The following CUBN variants were observed in gnomAD, a reference collection of about 807,000 sequenced individuals.
CUBN encodes the protein 460 kDa receptor.
In CUBN, 282 loss-of-function variants were observed where a neutral mutation model predicts 405.3. The ratio of observed to expected loss-of-function variants is 0.70; its 90% CI spans 0.63 to 0.77. The LOEUF (loss-of-function observed/expected upper bound fraction) is 0.77. CUBN is among the 30% of genes least tolerant of loss of function. The probability of loss-of-function intolerance (pLI) is 0.00; values close to 1 mark genes in which losing one functional copy is unlikely to be tolerated. For synonymous variants in CUBN, 1,684 were observed against 1,617.0 expected (o/e 1.04, Z -0.99); for missense variants, 4,514 against 4,475.2 (o/e 1.01, Z -0.25).
chr10:17,068,457 T>C, intron 20 of CUBN, 148 bp downstream of exon 20: 1 of 931,712 alleles, frequency 1.1e-6, no homozygotes, highest in East Asian at 2.6e-5. Flanking sequence ...TTGATATAAA[T>C]GTTGATTAGA....
intron 53 of CUBN, 86 bp downstream of exon 53, chr10:16,900,539 G>T: frequency 9.4e-7 from 1 of 1,063,642 alleles, no homozygotes; most frequent in Non-Finnish European, 1.5e-6. Context: ...TAAGCCTGAT[G>T]TAAAGTAGGT....
At position 17,085,732 on chromosome 10, in the gene CUBN, G is replaced by T; in HGVS notation, c.1975C>A (p.Pro659Thr). The change falls in exon 16 of 67, where the codon CCC (proline) becomes ACC (threonine). Residue 659 changes from proline (P) to threonine (T), a missense_variant. By Grantham distance (38) the Pro-to-Thr change is conservative. Coordinates refer to ENST00000377833, the MANE Select transcript of CUBN (RefSeq NM_001081.4). Reference protein sequence around the residue: ...EIRDGPLYQDPLLGKFCTTFS... With the variant: ...EIRDGPLYQDTLLGKFCTTFS... Reference sequence around the variant, plus strand: ...GTGGTGCAGAACTTCCCAAGAAGGGGGTCCTGATACAAAGGACCATCTCGA... The same window carrying T: ...GTGGTGCAGAACTTCCCAAGAAGGGTGTCCTGATACAAAGGACCATCTCGA... The T allele has an allele frequency of 6.2e-7, 1 of 1,613,962 alleles. No homozygotes were observed. Among genetic ancestry groups the T allele is most frequent in the Non-Finnish European group, 8.5e-7 (1 of 1,179,936 alleles).
At chr10:17,065,361 G>T in intron 22 of CUBN, 147 bp downstream of exon 22, 1 of 930,580 alleles carries the variant, frequency 1.1e-6, no homozygotes, top group Non-Finnish European at 1.7e-6. Context: ...TAATAAGGAA[G>T]GTATTTAAGT....
intron 14 of CUBN, among the ~76,000 whole-genome samples, chr10:17,096,059 G>A (rs763889164): frequency 3.8e-4 from 58 of 152,110 alleles, no homozygotes; most frequent in Admixed American, 1.4e-3. Flanking sequence ...GCATGCTCTC[G>A]CTTATATGTG....
intron 27 of CUBN, among the ~76,000 whole-genome samples, chr10:17,030,819 T>C (rs977539148): frequency 7.2e-5 from 11 of 152,032 alleles, no homozygotes; most frequent in African/African-American, 2.7e-4. Flanking sequence ...CTCGGGAGGC[T>C]GAGGCAGGAG....
At chr10:17,065,293 A>G (rs1835590666) in intron 22 of CUBN, among the ~76,000 whole-genome samples, 1 of 152,154 alleles carries the variant, frequency 6.6e-6, no homozygotes, top group African/African-American at 2.4e-5. Flanking sequence ...ACCACAGTAC[A>G]ATTACCAACA....
intron 27 of CUBN, among the ~76,000 whole-genome samples, chr10:17,030,880 C>T (rs1834772211): frequency 6.6e-6 from 1 of 152,154 alleles, no homozygotes; most frequent in African/African-American, 2.4e-5. Flanking sequence ...GATTACGCCA[C>T]TGCACTCCAG....
chr10:17,119,040 T>C (rs1027931815), intron 6 of CUBN, among the ~76,000 whole-genome samples: 1 of 152,210 alleles, frequency 6.6e-6, no homozygotes, highest in Non-Finnish European at 1.5e-5. Context: ...CACACTTGGA[T>C]AGTCATAGTT....
chr10:17,041,055 T>C lies in CUBN; in HGVS notation c.3995A>G (p.Asn1332Ser), dbSNP rs370803308. ...TACCTCTAAATAATCTGTGGAGCAGTTTATGTGATGTTCCAAGTCAAATGC... is the reference window on the plus strand; with the variant it reads ...TACCTCTAAATAATCTGTGGAGCAGCTTATGTGATGTTCCAAGTCAAATGC... Reference protein sequence around the residue: ...FLAFDLEHHINCSTDYLELYD... With the variant: ...FLAFDLEHHISCSTDYLELYD... The change falls in exon 27 of 67, where the codon AAC becomes AGC. Residue 1332 changes from asparagine to serine, a missense_variant. By Grantham distance (46) the Asn-to-Ser change is conservative (BLOSUM62 1). Transcript: ENST00000377833. The C allele has an allele frequency of 2.0e-4, 328 of 1,613,504 alleles. 1 individual carries two copies. Among genetic ancestry groups the C allele is most frequent in the Non-Finnish European group, 2.5e-4 (299 of 1,179,608 alleles).
chr10:17,110,924 G>A lies in CUBN; in HGVS notation c.1010C>T (p.Pro337Leu), dbSNP rs202153130. The change falls in exon 9 of 67, where the codon CCA becomes CTA. Residue 337 changes from proline to leucine, a missense_variant. Pro to Leu is a moderately conservative substitution (Grantham distance 98). Coordinates refer to ENST00000377833, the MANE Select transcript of CUBN (RefSeq NM_001081.4). Reference sequence around the variant, plus strand: ...ACATTGAACCGAGGCAGCACCTGGTGGACAGGCCTGGCAGTGGGAAGACCC... The same window carrying A: ...ACATTGAACCGAGGCAGCACCTGGTAGACAGGCCTGGCAGTGGGAAGACCC... ...TPGSSHCQACPPGYQGDGRVC... is the reference protein window; with the variant it reads ...TPGSSHCQACLPGYQGDGRVC... The A allele has an allele frequency of 1.1e-4, 170 of 1,614,090 alleles. No individual in the cohort carries two copies. Among genetic ancestry groups the A allele is most frequent in the Non-Finnish European group, 1.4e-4 (161 of 1,180,040 alleles).
At chr10:16,945,174 A>C (rs1368003048) in intron 36 of CUBN, among the ~76,000 whole-genome samples, 2 of 152,110 alleles carry the variant, frequency 1.3e-5, no homozygotes, top group Non-Finnish European at 2.9e-5. Context: ...CAACAATGTG[A>C]ATGTGGTAGA....
At chr10:16,888,346 ATGT>A in intron 56 of CUBN, 68 bp downstream of exon 56, 1 of 1,237,658 alleles carries the variant, frequency 8.1e-7, no homozygotes, top group Non-Finnish European at 1.2e-6. Context: ...ATGTCAAAAC[ATGT>A]TGTACACCAT....
intron 17 of CUBN, among the ~76,000 whole-genome samples, chr10:17,083,322 A>G (rs1836013332): frequency 2.0e-5 from 3 of 152,052 alleles, no homozygotes; most frequent in African/African-American, 7.2e-5. Context: ...CCTGCCCATC[A>G]TGGAGAAATC....
At chr10:16,832,305 C>G (rs982754089) in intron 64 of CUBN, among the ~76,000 whole-genome samples, 5 of 152,174 alleles carry the variant, frequency 3.3e-5, no homozygotes, top group Non-Finnish European at 4.4e-5. Context: ...TTGGAAGTTC[C>G]TCTGTTCCCT....
At chr10:16,890,860 G>C (rs982723786) in intron 54 of CUBN, among the ~76,000 whole-genome samples, 2 of 152,122 alleles carry the variant, frequency 1.3e-5, no homozygotes, top group South Asian at 4.1e-4. Flanking sequence ...CGGGTGCTGA[G>C]GGAGACGGAG....
chr10:17,086,252 C>T (rs1459241108), intron 15 of CUBN, among the ~76,000 whole-genome samples: 1 of 152,160 alleles, frequency 6.6e-6, no homozygotes, highest in East Asian at 1.9e-4. Context: ...GCATGAGCCA[C>T]CGCGCCTGGC....
intron 60 of CUBN, among the ~76,000 whole-genome samples, chr10:16,850,226 G>T (rs1473421465): frequency 6.6e-6 from 1 of 152,118 alleles, no homozygotes; most frequent in Non-Finnish European, 1.5e-5. Flanking sequence ...CTTAAATGCT[G>T]ACTATCCTGA....
rs1174931800 is a variant in CUBN at position 16,915,954 on chromosome 10, G to A, written c.7077C>T (p.Asp2359=). Residue 2359 remains aspartate, a synonymous_variant, in exon 46 of 67, where the codon GAC becomes GAT. Coordinates refer to ENST00000377833, the MANE Select transcript of CUBN (RefSeq NM_001081.4). ...GGAGATGCCACTCACAGAATAAGTT[G>A]TCTCTGTATGGAAGTGTTGGATGTC... ...SIGHPTLPYR[D]NLFCEWHLQG... 1 of 1,614,068 alleles carries A rather than the reference G, an allele frequency of 6.2e-7. No individual in the cohort carries two copies. The highest frequency in any genetic ancestry group is 1.1e-5 in the South Asian group (1 of 91,076).
In CUBN at chr10:16,922,809, T is replaced by A. The variant is rs1391487418; in HGVS notation, c.6646+2432A>T. 2.0e-5 allele frequency among the ~76,000 whole-genome samples: 3 copies of A among 152,190 alleles called. No individual in the cohort carries two copies. The East Asian group carries it at 5.8e-4, about 29-fold the overall frequency. On this transcript the variant is annotated intron_variant, in intron 43 of 66. Coordinates refer to ENST00000377833, the MANE Select transcript of CUBN (RefSeq NM_001081.4). Reference sequence around the variant, plus strand: ...GAAGTAGGTGTTTCTGTTCTGTGCATTCCTCTTTCTAGCACTTATTATACC... The same window carrying A: ...GAAGTAGGTGTTTCTGTTCTGTGCAATCCTCTTTCTAGCACTTATTATACC...
Sources: allele counts gnomAD v4.1 joint callset (sites outside exome capture counted in the v4.1 genomes callset), GRCh38; gene constraint gnomAD v4.1.1; transcripts MANE v1.5; gene names NCBI Gene and HGNC (gene_info 2026-07-23, HGNC 2026-07-21).